ALDH1A2: variants seen among roughly 807,000 people sequenced by gnomAD.
ALDH1A2 encodes aldehyde dehydrogenase 1 family member A2, also known as retinal dehydrogenase 2.
A neutral mutation model predicts 60.3 loss-of-function variants in ALDH1A2; 27 were observed. The ratio of observed to expected loss-of-function variants is 0.45; its 90% confidence interval spans 0.33 to 0.62. The LOEUF (loss-of-function observed/expected upper bound fraction) is 0.62. Among genes scored for constraint, ALDH1A2 ranks in the 20% least tolerant of loss-of-function variants. ALDH1A2 has a pLI of 0.02. For missense variants in ALDH1A2, 581 were observed against 643.8 expected, an observed-to-expected ratio of 0.90 and a Z score of 1.06; for synonymous variants, 289 against 232.4, an observed-to-expected ratio of 1.24 and a Z score of -2.21.
At chr15:58,043,800 T>C (rs563785450) in intron 1 of ALDH1A2, among the ~76,000 whole-genome samples, 2 of 152,162 alleles carry the variant, frequency 1.3e-5, no homozygotes, top group East Asian at 3.9e-4. Context: ...AGCCAAGTCC[T>C]ATTAAAGCAC....
At chr15:58,022,059 G>C (rs958009898) in intron 1 of ALDH1A2, among the ~76,000 whole-genome samples, 1 of 152,190 alleles carries the variant, frequency 6.6e-6, no homozygotes, top group South Asian at 2.1e-4. Context: ...CAGTGGCAGG[G>C]CCTCAATGCA....
intron 7 of ALDH1A2, 68 bp downstream of exon 7, chr15:57,992,634 TTTA>T (rs1269450710): frequency 2.8e-6 from 4 of 1,406,242 alleles, no homozygotes; most frequent in Admixed American, 3.4e-5. Flanking sequence ...GGGTACTAGT[TTTA>T]TTGTTTTTGT....
chr15:57,956,417 G>A (rs1231619245), intron 12 of ALDH1A2, among the ~76,000 whole-genome samples: 4 of 152,220 alleles, frequency 2.6e-5, no homozygotes, highest in Non-Finnish European at 4.4e-5. Flanking sequence ...AGAGAGACCT[G>A]CTGTAAATGA....
chr15:57,993,191 A>G, intron 5 of ALDH1A2, 118 bp from the exon 6 acceptor site: 9 of 1,202,890 alleles, frequency 7.5e-6, no homozygotes, highest in Non-Finnish European at 1.1e-5. Flanking sequence ...TGTCCACTAC[A>G]AAGTACAGAT....
At chr15:58,000,338 C>T (rs1180895747) in intron 4 of ALDH1A2, among the ~76,000 whole-genome samples, 1 of 151,912 alleles carries the variant, frequency 6.6e-6, no homozygotes, top group African/African-American at 2.4e-5. Flanking sequence ...TCAGCTAGGG[C>T]TAACAGCACC....
In ALDH1A2 at chr15:57,995,084, G is replaced by C; in HGVS notation, c.549C>G (p.Ile183Met). ...RHEPIGVCGQ[I>M]IPWNFPLLMF... ...TGCGAGGAAATACACTCACTGGGAT[G>C]ATCTGTCCACACACTCCAATGGGTT... The change falls in exon 5 of 13, where the codon ATC becomes ATG. Residue 183 changes from isoleucine to methionine, a missense_variant. Coordinates refer to ENST00000249750, the MANE Select transcript of ALDH1A2 (RefSeq NM_003888.4). 6.2e-7 allele frequency: 1 copy of C among 1,611,832 alleles called. No individual in the cohort carries two copies.
At chr15:58,034,408 A>G (rs1896323425) in intron 1 of ALDH1A2, among the ~76,000 whole-genome samples, 1 of 151,656 alleles carries the variant, frequency 6.6e-6, no homozygotes, top group Non-Finnish European at 1.5e-5. Flanking sequence ...CTACATAGAA[A>G]ATTATGTTAT....
chr15:58,046,104 C>T (rs1008716341), intron 1 of ALDH1A2, among the ~76,000 whole-genome samples: 1 of 152,008 alleles, frequency 6.6e-6, no homozygotes, highest in Non-Finnish European at 1.5e-5. Context: ...CTCCCTGCAA[C>T]AAAGGCTTTC....
At chr15:58,007,298 T>C (rs1335478867) in intron 4 of ALDH1A2, among the ~76,000 whole-genome samples, 2 of 151,980 alleles carry the variant, frequency 1.3e-5, no homozygotes, top group Non-Finnish European at 2.9e-5. Context: ...ATAACTACTA[T>C]GAATGATGAG....
At chr15:57,964,323 G>A in intron 8 of ALDH1A2, 1 of 493,322 alleles carries the variant, frequency 2.0e-6, no homozygotes, top group South Asian at 2.2e-5. Flanking sequence ...TATAACAGGA[G>A]TCTCAAACCC....
intron 3 of ALDH1A2, among the ~76,000 whole-genome samples, chr15:58,011,329 T>C (rs888348901): frequency 1.3e-5 from 2 of 152,206 alleles, no homozygotes; most frequent in South Asian, 2.1e-4. Flanking sequence ...AAAGGCTGGT[T>C]TTTTGTAAAC....
intron 1 of ALDH1A2, among the ~76,000 whole-genome samples, chr15:58,041,600 G>A (rs1223873007): frequency 1.3e-5 from 2 of 151,860 alleles, no homozygotes; most frequent in African/African-American, 4.8e-5. Flanking sequence ...TCCTCACATG[G>A]TAGAATGGAC....
At position 57,962,139 on chromosome 15, in the gene ALDH1A2, A is replaced by G. The variant is rs1658848317; in HGVS notation, c.1124T>C (p.Ile375Thr). The G allele has an allele frequency of 4.3e-6, 7 of 1,614,164 alleles. No individual in the cohort carries two copies. Among genetic ancestry groups the G allele is most frequent in the Non-Finnish European group, 5.1e-6 (6 of 1,180,008 alleles). Residue 375 changes from isoleucine (I) to threonine (T), a missense_variant, in exon 10 of 13, where the codon ATC (isoleucine) becomes ACC (threonine). Physicochemically the swap from Ile to Thr is moderately conservative, Grantham distance 89 (BLOSUM62 -1). Coordinates refer to ENST00000249750, the MANE Select transcript of ALDH1A2 (RefSeq NM_003888.4). ...GGCGCCCTCAGCCACACCACTCTGG[A>G]TGAGTTCCAAGATCTTGTTGTACTG... ...KKQYNKILELIQSGVAEGAKL... is the reference protein window; with the variant it reads ...KKQYNKILELTQSGVAEGAKL...
At chr15:57,976,239 A>T (rs1018879021) in intron 7 of ALDH1A2, among the ~76,000 whole-genome samples, 2 of 152,174 alleles carry the variant, frequency 1.3e-5, no homozygotes, top group Non-Finnish European at 2.9e-5. Flanking sequence ...CACAGCAAGA[A>T]ATCATGAGTG....
intron 10 of ALDH1A2, among the ~76,000 whole-genome samples, chr15:57,961,692 T>A (rs1267639676): frequency 6.6e-6 from 1 of 152,190 alleles, no homozygotes; most frequent in Non-Finnish European, 1.5e-5. Context: ...CTCTCCTGGT[T>A]AACATCCCAG....
At position 57,974,388 on chromosome 15, in the gene ALDH1A2, G is replaced by A. The variant is rs374193057; in HGVS notation, c.799-8561C>T. On this transcript the variant is annotated intron_variant, in intron 7 of 12. Coordinates refer to ENST00000249750, the MANE Select transcript of ALDH1A2 (RefSeq NM_003888.4). ...GCAGAGCTTGCAGTGAGCCAAGATC[G>A]CGCCACTGCACTCCAGCCTGGGTGA... Among the ~76,000 whole-genome samples, 366 of 144,788 alleles carry A rather than the reference G, an allele frequency of 2.5e-3. 1 individual carries two copies. The highest frequency in any genetic ancestry group is 9.1e-3 in the African/African-American group (349 of 38,342). The allele number at this position is 144,788 out of a possible 152,430, so 95.0% of individuals were successfully genotyped here.
At chr15:58,019,329 G>T (rs1895863228) in intron 1 of ALDH1A2, among the ~76,000 whole-genome samples, 1 of 152,136 alleles carries the variant, frequency 6.6e-6, no homozygotes, top group African/African-American at 2.4e-5. Flanking sequence ...CTTGAAACAT[G>T]GCCCAATGAT....
intron 1 of ALDH1A2, among the ~76,000 whole-genome samples, chr15:58,052,244 G>T (rs1267803269): frequency 6.6e-6 from 1 of 152,044 alleles, no homozygotes; most frequent in Non-Finnish European, 1.5e-5. Context: ...GCCCTAAAAA[G>T]ACCACAACTA....
rs559137354 is a variant in ALDH1A2, at chr15:57,966,904, G to A, written c.799-1077C>T. ...ACCTACAACAGGATGCGACTCCACT[G>A]GAGAGCACATATCACTTTATGGAAA... On this transcript the variant is annotated intron_variant, in intron 7 of 12. Transcript: ENST00000249750. Among the ~76,000 whole-genome samples, 4 of 152,338 alleles carry A rather than the reference G, an allele frequency of 2.6e-5. No homozygotes were observed. The South Asian group carries it at 8.3e-4, about 32-fold the overall frequency.
Sources: gnomAD v4.1 joint callset for allele counts (sites outside exome capture counted in the v4.1 genomes callset) on GRCh38, gnomAD v4.1.1 for gene constraint, MANE v1.5 for transcripts, NCBI Gene and HGNC (gene_info 2026-07-23, HGNC 2026-07-21) for gene names.